AVL9: variants seen among roughly 807,000 people sequenced by gnomAD.
The protein encoded by AVL9 is late secretory pathway protein AVL9 homolog.
Under a neutral mutation model 79.2 loss-of-function variants are expected in AVL9, and 49 were observed. That is an observed-to-expected ratio of 0.62 (90% CI 0.49 to 0.79). The LOEUF (loss-of-function observed/expected upper bound fraction) is 0.79. Ranked by LOEUF, AVL9 falls within the 30% of genes least tolerant of loss-of-function variation. The pLI is 0.00. For synonymous variants in AVL9, 299 were observed against 280.6 expected, an observed-to-expected ratio of 1.07 and a Z score of -0.65; for missense variants, 682 against 776.8, an observed-to-expected ratio of 0.88 and a Z score of 1.45.
intron 1 of AVL9, among the ~76,000 whole-genome samples, chr7:32,505,953 C>T (rs1243616743): frequency 6.6e-6 from 1 of 152,128 alleles, no homozygotes; most frequent in Admixed American, 6.5e-5. Context: ...TAAGCAACAG[C>T]AAAGATTCTA....
At position 32,579,522 on chromosome 7, in the gene AVL9, TATTA is replaced by T. The variant is rs1399117624; in HGVS notation, c.1689-696_1689-693del. Among the ~76,000 whole-genome samples the T allele has an allele frequency of 6.1e-3, 40 of 6,592 alleles. 7 individuals are homozygous for T. In the South Asian group the frequency reaches 0.069, roughly 11 times the overall value. The allele number at this position is 6,592 out of a possible 152,430, so 4.3% of individuals were successfully genotyped here. A position where few individuals can be genotyped will look rare whatever the true frequency, so the allele number is the denominator to read the frequency against. On this transcript the variant is annotated intron_variant, in intron 13 of 15. Transcript: ENST00000318709. ...ATTATATATTATATATTATATTATA[TATTA>T]TATATTATATTATATATTATATATT...
At chr7:32,573,952 T>G (rs1453700180) in intron 12 of AVL9, among the ~76,000 whole-genome samples, 1 of 152,214 alleles carries the variant, frequency 6.6e-6, no homozygotes, top group East Asian at 1.9e-4. Flanking sequence ...CAGGTAAACA[T>G]GGAGTTACTC....
chr7:32,580,231 A>T lies in AVL9; in HGVS notation c.1701A>T (p.Gln567His), dbSNP rs1161635036. The T allele has an allele frequency of 6.2e-7, 1 of 1,611,640 alleles. No individual in the cohort carries two copies. Among genetic ancestry groups the T allele is most frequent in the Admixed American group, 1.7e-5 (1 of 59,572 alleles). ...ACTTTTTTTACAGCCATCCATTTCA[A>T]GGCCAATACTCAGTATCAGACATGA... Reference protein sequence around the residue: ...LAEINPNHPFQGQYSVSDMKL... With the variant: ...LAEINPNHPFHGQYSVSDMKL... The change falls in exon 14 of 16, where the codon CAA (glutamine) becomes CAT (histidine). Residue 567 changes from glutamine (Q) to histidine (H), a missense_variant. Transcript: ENST00000318709.
intron 10 of AVL9, among the ~76,000 whole-genome samples, chr7:32,566,685 T>C (rs1358624995): frequency 6.6e-6 from 1 of 151,190 alleles, no homozygotes; most frequent in African/African-American, 2.4e-5. Context: ...GAGACCATCC[T>C]GGCTAACACG....
At chr7:32,578,080 T>A (rs79279524) in intron 13 of AVL9, among the ~76,000 whole-genome samples, 2 of 152,084 alleles carry the variant, frequency 1.3e-5, no homozygotes, top group Admixed American at 6.5e-5. Flanking sequence ...ACAGAAAGAA[T>A]TGGGGGCTTG....
intron 1 of AVL9, among the ~76,000 whole-genome samples, chr7:32,512,656 GAA>G (rs1323183397): frequency 6.6e-6 from 1 of 152,108 alleles, no homozygotes; most frequent in Non-Finnish European, 1.5e-5. Flanking sequence ...CTGTTCACTG[GAA>G]CCAGAAACAA....
intron 1 of AVL9, among the ~76,000 whole-genome samples, chr7:32,505,867 C>T (rs992100363): frequency 2.0e-5 from 3 of 152,138 alleles, no homozygotes; most frequent in African/African-American, 7.2e-5. Flanking sequence ...CCAGACCTCT[C>T]TTGGATGCTC....
At chr7:32,564,080 C>A (rs527369372) in intron 10 of AVL9, among the ~76,000 whole-genome samples, 15 of 152,002 alleles carry the variant, frequency 9.9e-5, no homozygotes, top group Non-Finnish European at 2.1e-4. Context: ...GTGAAGATAT[C>A]AAGAGGGAAA....
chr7:32,548,995 A>G, intron 4 of AVL9, 77 bp downstream of exon 4: 1 of 889,232 alleles, frequency 1.1e-6, no homozygotes. Context: ...CACTATTAGA[A>G]TAAGAAGAGA....
intron 3 of AVL9, among the ~76,000 whole-genome samples, chr7:32,546,871 AGAG>A (rs1789536287): frequency 6.6e-6 from 1 of 152,106 alleles, no homozygotes; most frequent in Admixed American, 6.5e-5. Context: ...CCTGAGAGTA[AGAG>A]TTTGCCTGAC....
chr7:32,581,112 G>A lies in AVL9; in HGVS notation c.1831+222G>A, dbSNP rs76202881. The A allele has an allele frequency of 3.6e-3, 1,838 of 504,400 alleles. 19 individuals are homozygous for A. The highest frequency in any genetic ancestry group is 2.9e-3 in the Non-Finnish European group (830 of 283,802). 31.2% of individuals were successfully genotyped at this position (504,400 alleles called of 1,614,324 possible). On this transcript the variant is annotated intron_variant, in intron 15 of 15. Coordinates refer to ENST00000318709, the MANE Select transcript of AVL9 (RefSeq NM_015060.3). ...GAGAGTGACAAAATTTTCTGATGAAGTCACTGTTTTGCTACCAAGATTCAA... is the reference window on the plus strand; with the variant it reads ...GAGAGTGACAAAATTTTCTGATGAAATCACTGTTTTGCTACCAAGATTCAA...
chr7:32,548,711 G>A (rs1020762232), intron 3 of AVL9, 136 bp from the exon 4 acceptor site: 2 of 556,390 alleles, frequency 3.6e-6, no homozygotes, highest in South Asian at 3.0e-5. Context: ...TTTCCTGAGA[G>A]TCTTAATAAA....
chr7:32,504,730 C>G (rs1449646181), intron 1 of AVL9, among the ~76,000 whole-genome samples: 1 of 152,166 alleles, frequency 6.6e-6, no homozygotes, highest in Non-Finnish European at 1.5e-5. Context: ...CATTCCAGGA[C>G]AGGCAGAAGT....
rs1791716463 is a variant in AVL9, at chr7:32,585,122, CTCGT to C, written c.*1216_*1219del. The C allele has an allele frequency of 6.6e-6, 1 of 152,140 alleles. No individual in the cohort carries two copies. Among genetic ancestry groups the C allele is most frequent in the African/African-American group, 2.4e-5 (1 of 41,422 alleles). The allele number at this position is 152,140 out of a possible 1,614,324, so 9.4% of individuals were successfully genotyped here. A position where few individuals can be genotyped will look rare whatever the true frequency, so the allele number is the denominator to read the frequency against. On this transcript the variant is annotated 3_prime_UTR_variant, in exon 16 of 16. Coordinates refer to ENST00000318709, the MANE Select transcript of AVL9 (RefSeq NM_015060.3). ...GGGTGTTTGCAGACCTACAGCTTTT[CTCGT>C]AGTCTTATTCATAAAGCTTTTCAAA...
At position 32,543,149 on chromosome 7, in the gene AVL9, C is replaced by A; in HGVS notation, c.102C>A (p.Phe34Leu). The change falls in exon 2 of 16, where the codon TTC becomes TTA. Residue 34 changes from phenylalanine (F) to leucine (L), a missense_variant. Physicochemically the swap from Phe to Leu is conservative, Grantham distance 22 (BLOSUM62 0). Transcript: ENST00000318709. ...ATTCCTTACTATTTTAGGTTGAATT[C>A]TCTTACCCGCCCCTGATTCCAGGAG... ...FHHKKGCQVEFSYPPLIPGDG... is the reference protein window; with the variant it reads ...FHHKKGCQVELSYPPLIPGDG... The A allele has an allele frequency of 1.9e-6, 3 of 1,613,940 alleles. No homozygotes were observed. Among genetic ancestry groups the A allele is most frequent in the African/African-American group, 1.3e-5 (1 of 75,008 alleles).
chr7:32,568,445 C>G (rs943778576), intron 10 of AVL9, among the ~76,000 whole-genome samples: 1 of 152,124 alleles, frequency 6.6e-6, no homozygotes, highest in Non-Finnish European at 1.5e-5. Context: ...AAGTGATCCG[C>G]CTGCCTCAGC....
chr7:32,500,343 T>A (rs1323427478), intron 1 of AVL9, among the ~76,000 whole-genome samples: 1 of 152,244 alleles, frequency 6.6e-6, no homozygotes, highest in East Asian at 1.9e-4. Flanking sequence ...TGACCAATGA[T>A]GATGAGCTTT....
rs540297550 is a variant in AVL9 at position 32,501,439 on chromosome 7, G to A, written c.93+5637G>A. ...AGAAACTTTGTTCTGAAACAAGATT[G>A]CATTTTCTGGCCCTTCACTGCACTT... On this transcript the variant is annotated intron_variant, in intron 1 of 15. Transcript: ENST00000318709. 1.1e-4 allele frequency among the ~76,000 whole-genome samples: 16 copies of A among 152,294 alleles called. 1 individual carries two copies. The highest frequency in any genetic ancestry group is 3.4e-3 in the Middle Eastern group (1 of 294).
intron 1 of AVL9, among the ~76,000 whole-genome samples, chr7:32,507,007 T>TAATA (rs1315728153): frequency 6.6e-6 from 1 of 152,134 alleles, no homozygotes; most frequent in African/African-American, 2.4e-5. Flanking sequence ...ATAAAAGGAA[T>TAATA]AATACATCAT....
Sources: gnomAD v4.1 joint callset for allele counts (sites outside exome capture counted in the v4.1 genomes callset) on GRCh38, gnomAD v4.1.1 for gene constraint, MANE v1.5 for transcripts, NCBI Gene and HGNC (gene_info 2026-07-23, HGNC 2026-07-21) for gene names.